Variants in DEFB130B observed in about 807,000 individuals in gnomAD.
DEFB130B encodes defensin beta 130B.
rs2150591984 is a variant in DEFB130B at position 12,069,586 on chromosome 8, G to T, written c.58+2104C>A. Among the ~76,000 whole-genome samples, 2 of 133,602 alleles carry T rather than the reference G, an allele frequency of 1.5e-5. 1 individual carries two copies. The highest frequency in any genetic ancestry group is 1.5e-4 in the Admixed American group (2 of 13,352). The allele number at this position is 133,602 out of a possible 152,430, so 87.6% of individuals were successfully genotyped here. A position where few individuals can be genotyped will look rare whatever the true frequency, so the allele number is the denominator to read the frequency against. ...CCACTTGAACAGAATAGAGAACCCAGAAATAAAGCTGCACATTTATAACCA... is the reference window on the plus strand; with the variant it reads ...CCACTTGAACAGAATAGAGAACCCATAAATAAAGCTGCACATTTATAACCA... On this transcript the variant is annotated intron_variant, in intron 1 of 1. Transcript: ENST00000437818.
At chr8:12,065,130 C>T (rs1427203309) in intron 1 of DEFB130B, among the ~76,000 whole-genome samples, 1 of 112,456 alleles carries the variant, frequency 8.9e-6, no homozygotes, top group African/African-American at 3.0e-5. Flanking sequence ...AAATACCTTT[C>T]CTATGTTGCT....
intron 1 of DEFB130B, among the ~76,000 whole-genome samples, chr8:12,066,990 C>T (rs1585130778): frequency 9.7e-6 from 1 of 102,750 alleles, no homozygotes. Context: ...GGAACTTTAT[C>T]AATCAAAAAA....
At chr8:12,066,910 G>A (rs1365429105) in intron 1 of DEFB130B, among the ~76,000 whole-genome samples, 1 of 122,800 alleles carries the variant, frequency 8.1e-6, no homozygotes, top group Admixed American at 8.0e-5. Flanking sequence ...AGAACTCATT[G>A]AGTCAGTAAC....
At chr8:12,066,907 A>G (rs1179428560) in intron 1 of DEFB130B, among the ~76,000 whole-genome samples, 2 of 122,678 alleles carry the variant, frequency 1.6e-5, no homozygotes, top group Non-Finnish European at 3.7e-5. Context: ...ATTAGAACTC[A>G]TTGAGTCAGT....
intron 1 of DEFB130B, among the ~76,000 whole-genome samples, chr8:12,069,599 A>G (rs1329753594): frequency 1.5e-5 from 2 of 130,884 alleles, no homozygotes; most frequent in African/African-American, 5.2e-5. Flanking sequence ...ATAAAGCTGC[A>G]CATTTATAAC....
chr8:12,064,893 CA>C (rs1002440634), intron 1 of DEFB130B, among the ~76,000 whole-genome samples: 1 of 15,574 alleles, frequency 6.4e-5, no homozygotes, highest in African/African-American at 1.5e-4. Flanking sequence ...GCAGATAGCA[CA>C]GCATTGCTAA....
chr8:12,067,008 G>A (rs1249404050), intron 1 of DEFB130B, among the ~76,000 whole-genome samples: 2 of 93,154 alleles, frequency 2.1e-5, no homozygotes, highest in African/African-American at 7.4e-5. Context: ...AAATAGAAGT[G>A]CAGTTTCCTT....
At chr8:12,069,437 C>T (rs535948135) in intron 1 of DEFB130B, among the ~76,000 whole-genome samples, 1 of 134,502 alleles carries the variant, frequency 7.4e-6, no homozygotes, top group African/African-American at 2.6e-5. Context: ...AGAACTCAGA[C>T]AACCAAAATA....
intron 1 of DEFB130B, among the ~76,000 whole-genome samples, chr8:12,067,006 G>C (rs1182502909): frequency 1.1e-5 from 1 of 94,824 alleles, no homozygotes; most frequent in Non-Finnish European, 2.4e-5. Flanking sequence ...AAAAATAGAA[G>C]TGCAGTTTCC....
intron 1 of DEFB130B, among the ~76,000 whole-genome samples, chr8:12,069,440 C>G (rs1444115974): frequency 7.4e-6 from 1 of 134,796 alleles, no homozygotes; most frequent in Non-Finnish European, 1.7e-5. Flanking sequence ...ACTCAGACAA[C>G]CAAAATAATC....
At position 12,066,952 on chromosome 8, in the gene DEFB130B, G is replaced by A. The variant is rs2150591351; in HGVS notation, c.59-2382C>T. Among the ~76,000 whole-genome samples, 2 of 122,476 alleles carry A rather than the reference G, an allele frequency of 1.6e-5. 1 individual carries two copies. The highest frequency in any genetic ancestry group is 5.5e-4 in the South Asian group (2 of 3,606). The allele number at this position is 122,476 out of a possible 152,430, so 80.3% of individuals were successfully genotyped here. On this transcript the variant is annotated intron_variant, in intron 1 of 1. Coordinates refer to ENST00000437818, the MANE Select transcript of DEFB130B (RefSeq NM_001195257.1). ...GTTTTTTTTTTTTTTGGATGATGTA[G>A]AGGATTTAAATGGAACAGGATCTGC... is the stretch of plus-strand genomic sequence containing the variant.
intron 1 of DEFB130B, among the ~76,000 whole-genome samples, chr8:12,066,264 AT>A (rs1407069125): frequency 3.5e-5 from 1 of 28,722 alleles, no homozygotes; most frequent in Admixed American, 3.5e-4. Context: ...ATAACCCACT[AT>A]ACGGTAAAGT....
chr8:12,069,504 C>T lies in DEFB130B; in HGVS notation c.58+2186G>A, dbSNP rs964319418. On this transcript the variant is annotated intron_variant, in intron 1 of 1. Transcript: ENST00000437818. ...TCATCCTACTTGCCTCCAAATTATA[C>T]TATAAGGCCACAGTAACTAAAATGG... Among the ~76,000 whole-genome samples, 4 of 137,598 alleles carry T rather than the reference C, an allele frequency of 2.9e-5. 1 individual carries two copies. The highest frequency in any genetic ancestry group is 7.2e-5 in the Admixed American group (1 of 13,868). The allele number at this position is 137,598 out of a possible 152,430, so 90.3% of individuals were successfully genotyped here.
rs1177312632 is a variant in DEFB130B at position 12,065,199 on chromosome 8, TAGAC to T, written c.59-633_59-630del. ...ATAGATAGATAGATAGATAGATAGA[TAGAC>T]AGACAGACACCTGCAGAGAATTACT... On this transcript the variant is annotated intron_variant, in intron 1 of 1. Coordinates refer to ENST00000437818, the MANE Select transcript of DEFB130B (RefSeq NM_001195257.1). 9.8e-4 allele frequency among the ~76,000 whole-genome samples: 25 copies of T among 25,408 alleles called. 6 individuals are homozygous for T. Among genetic ancestry groups the T allele is most frequent in the East Asian group, 7.2e-3 (1 of 138 alleles). The allele number at this position is 25,408 out of a possible 152,430, so 16.7% of individuals were successfully genotyped here.
chr8:12,066,984 C>A (rs1305266514), intron 1 of DEFB130B, among the ~76,000 whole-genome samples: 1 of 108,616 alleles, frequency 9.2e-6, no homozygotes, highest in African/African-American at 3.2e-5. Flanking sequence ...CTGCCTGGAA[C>A]TTTATCAATC....
intron 1 of DEFB130B, among the ~76,000 whole-genome samples, chr8:12,067,107 A>G (rs1801786559): frequency 6.9e-5 from 1 of 14,430 alleles, no homozygotes; most frequent in Non-Finnish European, 1.4e-4. Flanking sequence ...AGTCAGTGTA[A>G]GAAGAATGCT....
At chr8:12,065,508 G>T (rs1243483272) in intron 1 of DEFB130B, among the ~76,000 whole-genome samples, 4 of 6,484 alleles carry the variant, frequency 6.2e-4, no homozygotes, top group Admixed American at 2.4e-3. Flanking sequence ...GTTTTTACTG[G>T]CCTCTAATAT....
At chr8:12,069,494 C>T (rs1801812763) in intron 1 of DEFB130B, among the ~76,000 whole-genome samples, 1 of 137,216 alleles carries the variant, frequency 7.3e-6, no homozygotes, top group Non-Finnish European at 1.7e-5. Context: ...CTACTTGCCT[C>T]CAAATTATAC....
rs1158401253 is a variant in DEFB130B, at chr8:12,065,195, TAGATAGAC to T, written c.59-633_59-626del. 8.7e-5 allele frequency among the ~76,000 whole-genome samples: 3 copies of T among 34,404 alleles called. 1 individual carries two copies. Among genetic ancestry groups the T allele is most frequent in the African/African-American group, 1.2e-4 (2 of 17,274 alleles). 22.6% of individuals were successfully genotyped at this position (34,404 alleles called of 152,430 possible). A position where few individuals can be genotyped will look rare whatever the true frequency, so the allele number is the denominator to read the frequency against. ...ATAGATAGATAGATAGATAGATAGA[TAGATAGAC>T]AGACAGACACCTGCAGAGAATTACT... On this transcript the variant is annotated intron_variant, in intron 1 of 1. Coordinates refer to ENST00000437818, the MANE Select transcript of DEFB130B (RefSeq NM_001195257.1).
Sources: allele counts gnomAD v4.1 joint callset (sites outside exome capture counted in the v4.1 genomes callset), GRCh38; gene constraint gnomAD v4.1.1; transcripts MANE v1.5; gene names NCBI Gene and HGNC (gene_info 2026-07-23, HGNC 2026-07-21).